EDA: variants seen among roughly 807,000 people sequenced by gnomAD.
EDA encodes the protein ectodysplasin A.
In EDA, 2 loss-of-function variants were observed where a neutral mutation model predicts 23.6. The ratio of observed to expected loss-of-function variants is 0.08; its 90% CI spans 0.03 to 0.27. The LOEUF is 0.27. Ranked by LOEUF, EDA falls within the 10% of genes least tolerant of loss-of-function variation. EDA has a pLI of 1.00. For missense variants in EDA, 229 were observed against 324.2 expected, an observed-to-expected ratio of 0.71 and a Z score of 2.26; for synonymous variants, 131 against 132.0, an observed-to-expected ratio of 0.99 and a Z score of 0.05.
At chrX:69,672,266 T>G (rs147529460) in intron 1 of EDA, among the ~76,000 whole-genome samples, 1,398 of 111,634 alleles carry the variant, frequency 0.013, 18 homozygotes, top group Non-Finnish European at 0.018. Context: ...GAGGTTTTGT[T>G]TAAGGTTACC....
At chrX:69,825,389 C>T (rs1234275708) in intron 1 of EDA, among the ~76,000 whole-genome samples, 1 of 108,683 alleles carries the variant, frequency 9.2e-6, no homozygotes, top group Non-Finnish European at 1.9e-5. Flanking sequence ...TGTTATTGGT[C>T]TATTCAGAGA....
At chrX:69,637,152 A>G in intron 1 of EDA, among the ~76,000 whole-genome samples, 1 of 111,837 alleles carries the variant, frequency 8.9e-6, no homozygotes, top group Non-Finnish European at 1.9e-5. Context: ...AAGAAATACA[A>G]AAGTGCAAAA....
intron 1 of EDA, among the ~76,000 whole-genome samples, chrX:69,954,751 C>T (rs1182906139): frequency 9.0e-6 from 1 of 111,277 alleles, no homozygotes; most frequent in Non-Finnish European, 1.9e-5. Flanking sequence ...GTTTGTTATA[C>T]AAATTATTTC....
At chrX:69,700,640 G>A (rs987181368) in intron 1 of EDA, among the ~76,000 whole-genome samples, 1 of 111,135 alleles carries the variant, frequency 9.0e-6, no homozygotes, top group African/African-American at 3.3e-5. Context: ...AGCTGCTTGG[G>A]GGATGGGATA....
At chrX:69,786,977 G>A (rs1198450967) in intron 1 of EDA, among the ~76,000 whole-genome samples, 1 of 101,560 alleles carries the variant, frequency 9.8e-6, no homozygotes, top group Admixed American at 1.1e-4. Context: ...GGGTGCTCCT[G>A]TATTGGGTGC....
At chrX:69,751,861 A>G (rs904870008) in intron 1 of EDA, among the ~76,000 whole-genome samples, 1 of 107,696 alleles carries the variant, frequency 9.3e-6, no homozygotes, top group South Asian at 4.2e-4. Context: ...AACAGAACAG[A>G]ATCCTGTTCT....
At chrX:69,883,944 G>A (rs945518351) in intron 1 of EDA, among the ~76,000 whole-genome samples, 1 of 110,599 alleles carries the variant, frequency 9.0e-6, no homozygotes, top group Admixed American at 9.7e-5. Context: ...AAAAAATAAA[G>A]AAGAGAAAAA....
chrX:69,953,431 C>T (rs1439272168), intron 1 of EDA, among the ~76,000 whole-genome samples: 1 of 111,748 alleles, frequency 8.9e-6, no homozygotes, highest in Non-Finnish European at 1.9e-5. Flanking sequence ...GCACTGGGAC[C>T]CTTTATGTTG....
intron 2 of EDA, among the ~76,000 whole-genome samples, chrX:69,987,619 C>CAA (rs11432652): frequency 1.9e-5 from 2 of 105,603 alleles, no homozygotes; most frequent in South Asian, 4.2e-4. Flanking sequence ...TTCCTGTATC[C>CAA]AAAAAAAAAG....
chrX:69,681,300 T>G (rs1313675988), intron 1 of EDA, among the ~76,000 whole-genome samples: 1 of 109,247 alleles, frequency 9.2e-6, no homozygotes, highest in East Asian at 2.9e-4. Context: ...ATTATGTGTC[T>G]TGGAGTTGCT....
chrX:70,002,812 T>A (rs1479912919), intron 2 of EDA, among the ~76,000 whole-genome samples: 1 of 112,157 alleles, frequency 8.9e-6, no homozygotes, highest in Admixed American at 9.5e-5. Context: ...GTGTTGATAA[T>A]GAAAACAACA....
chrX:69,779,718 T>C (rs1049622864), intron 1 of EDA, among the ~76,000 whole-genome samples: 1 of 111,897 alleles, frequency 8.9e-6, no homozygotes, highest in Admixed American at 9.5e-5. Context: ...TTTCATCTTA[T>C]GTAAATTTCA....
At chrX:69,704,666 A>G (rs1250626355) in intron 1 of EDA, among the ~76,000 whole-genome samples, 2 of 110,922 alleles carry the variant, frequency 1.8e-5, no homozygotes, top group Non-Finnish European at 1.9e-5. Flanking sequence ...CCCAAGGATA[A>G]GGTGGGGACT....
chrX:69,832,892 A>G (rs1432687668), intron 1 of EDA, among the ~76,000 whole-genome samples: 1 of 111,892 alleles, frequency 8.9e-6, no homozygotes, highest in Admixed American at 9.5e-5. Flanking sequence ...TTGATTTTGT[A>G]TCCTGAGACT....
chrX:69,644,610 T>C (rs1932883332), intron 1 of EDA, among the ~76,000 whole-genome samples: 2 of 111,039 alleles, frequency 1.8e-5, no homozygotes, highest in Admixed American at 1.9e-4. Context: ...TTTATTTCCT[T>C]CTCTTGCCTG....
At chrX:69,647,208 C>T (rs1285627211) in intron 1 of EDA, among the ~76,000 whole-genome samples, 3 of 111,027 alleles carry the variant, frequency 2.7e-5, no homozygotes. Flanking sequence ...TACTGGGGTT[C>T]TCTGCATTTC....
intron 1 of EDA, among the ~76,000 whole-genome samples, chrX:69,944,075 G>A (rs1490375381): frequency 9.1e-6 from 1 of 110,262 alleles, no homozygotes; most frequent in Admixed American, 9.7e-5. Flanking sequence ...AGGGCAGTGG[G>A]CTCCCCTCTG....
intron 1 of EDA, among the ~76,000 whole-genome samples, chrX:69,923,203 C>T (rs1196596903): frequency 9.0e-6 from 1 of 111,006 alleles, no homozygotes; most frequent in African/African-American, 3.3e-5. Context: ...AATACATGTG[C>T]AGAACATGCA....
At chrX:69,941,526 A>T (rs1342395000) in intron 1 of EDA, among the ~76,000 whole-genome samples, 2 of 111,866 alleles carry the variant, frequency 1.8e-5, no homozygotes, top group African/African-American at 6.5e-5. Context: ...TCATTATATA[A>T]TGACCTTCTT....
Sources: allele counts gnomAD v4.1 joint callset (sites outside exome capture counted in the v4.1 genomes callset), GRCh38; gene constraint gnomAD v4.1.1; transcripts MANE v1.5; gene names NCBI Gene and HGNC (gene_info 2026-07-23, HGNC 2026-07-21).